The following ASIC2 variants were observed in gnomAD, a reference collection of about 807,000 sequenced individuals.
ASIC2 encodes the protein acid-sensing ion channel 2.
ASIC2 carries 25 observed loss-of-function variants against 57.3 expected under a neutral mutation model. That is an observed-to-expected ratio of 0.44 (90% CI 0.32 to 0.61). The LOEUF (loss-of-function observed/expected upper bound fraction) is 0.61. Ranked by LOEUF, ASIC2 falls within the 20% of genes least tolerant of loss-of-function variation. The pLI is 0.06. For missense variants in ASIC2, 641 were observed against 738.1 expected (o/e 0.87, Z 1.52); for synonymous variants, 319 against 307.5 (o/e 1.04, Z -0.39).
At chr17:33,079,001 G>A (rs2092101248) in intron 3 of ASIC2, among the ~76,000 whole-genome samples, 1 of 152,150 alleles carries the variant, frequency 6.6e-6, no homozygotes, top group African/African-American at 2.4e-5. Flanking sequence ...GAAAAGTGAT[G>A]GTGGGAGCCC....
chr17:33,382,928 A>G (rs997934765), intron 1 of ASIC2, among the ~76,000 whole-genome samples: 5 of 152,108 alleles, frequency 3.3e-5, no homozygotes, highest in African/African-American at 1.2e-4. Context: ...TTTCTGGTCC[A>G]TGTTTTCAGG....
intron 1 of ASIC2, among the ~76,000 whole-genome samples, chr17:33,838,599 T>C (rs71379415): frequency 0.025 from 3,857 of 152,268 alleles, 178 homozygotes; most frequent in African/African-American, 0.089. Context: ...GAAATATCAT[T>C]TAATTGCCGT....
intron 1 of ASIC2, among the ~76,000 whole-genome samples, chr17:34,033,399 A>T (rs890353374): frequency 2.6e-5 from 4 of 152,310 alleles, no homozygotes; most frequent in African/African-American, 9.6e-5. Context: ...CTAAATGCCC[A>T]CAAGAGAAAG....
intron 1 of ASIC2, among the ~76,000 whole-genome samples, chr17:33,652,053 TC>T (rs2142039740): frequency 6.6e-6 from 1 of 152,296 alleles, no homozygotes. Context: ...TGTCTGCCCA[TC>T]TGTGAAATGG....
At chr17:33,025,295 C>T (rs1265001974) in intron 5 of ASIC2, among the ~76,000 whole-genome samples, 3 of 152,166 alleles carry the variant, frequency 2.0e-5, no homozygotes, top group South Asian at 2.1e-4. Context: ...GTGCACTCTC[C>T]CTCCCTCCTA....
At chr17:33,232,340 G>C (rs1908122679) in intron 1 of ASIC2, among the ~76,000 whole-genome samples, 1 of 152,108 alleles carries the variant, frequency 6.6e-6, no homozygotes, top group Admixed American at 6.5e-5. Flanking sequence ...CTCCAAATCT[G>C]TGAGAAAATA....
intron 1 of ASIC2, among the ~76,000 whole-genome samples, chr17:33,692,940 G>T (rs541052370): frequency 3.2e-4 from 48 of 152,144 alleles, no homozygotes; most frequent in Admixed American, 3.1e-3. Flanking sequence ...TAAATCAATC[G>T]CATATTTTAA....
chr17:33,750,328 T>C (rs1910389785), intron 1 of ASIC2, among the ~76,000 whole-genome samples: 1 of 152,074 alleles, frequency 6.6e-6, no homozygotes, highest in African/African-American at 2.4e-5. Flanking sequence ...TGCAAGGAAC[T>C]GAGGGGGAAA....
intron 1 of ASIC2, among the ~76,000 whole-genome samples, chr17:33,520,935 G>A (rs1462897204): frequency 1.3e-5 from 2 of 152,168 alleles, no homozygotes; most frequent in Non-Finnish European, 2.9e-5. Context: ...GGGTGTGTGG[G>A]TGCTGGAATC....
chr17:34,126,684 G>A (rs1369385975), intron 1 of ASIC2, among the ~76,000 whole-genome samples: 1 of 152,192 alleles, frequency 6.6e-6, no homozygotes, highest in Non-Finnish European at 1.5e-5. Context: ...GAGGTTCTCT[G>A]ACTCTGAACG....
At chr17:34,018,572 C>T (rs1452759652) in intron 1 of ASIC2, among the ~76,000 whole-genome samples, 1 of 152,144 alleles carries the variant, frequency 6.6e-6, no homozygotes, top group Non-Finnish European at 1.5e-5. Context: ...AATTGAAAAT[C>T]ACCATTCTAG....
chr17:33,350,942 A>G (rs1567831903), intron 1 of ASIC2, among the ~76,000 whole-genome samples: 1 of 152,124 alleles, frequency 6.6e-6, no homozygotes, highest in African/African-American at 2.4e-5. Flanking sequence ...CTGTTCTAAC[A>G]TTTTGGGATT....
At chr17:33,757,211 A>C (rs1340811289) in intron 1 of ASIC2, among the ~76,000 whole-genome samples, 1 of 152,120 alleles carries the variant, frequency 6.6e-6, no homozygotes, top group African/African-American at 2.4e-5. Context: ...ATTCTGGAAG[A>C]TTCTCTTTGC....
intron 1 of ASIC2, among the ~76,000 whole-genome samples, chr17:33,570,812 T>C (rs969835316): frequency 2.0e-5 from 3 of 152,104 alleles, no homozygotes; most frequent in South Asian, 2.1e-4. Flanking sequence ...CCTCTCTCTC[T>C]CTCCATGTGG....
At chr17:33,446,386 C>T (rs1273489259) in intron 1 of ASIC2, among the ~76,000 whole-genome samples, 1 of 152,050 alleles carries the variant, frequency 6.6e-6, no homozygotes, top group Non-Finnish European at 1.5e-5. Flanking sequence ...CTGGAATTTC[C>T]AGCCTCTGTG....
intron 1 of ASIC2, among the ~76,000 whole-genome samples, chr17:33,550,460 A>T (rs1915718771): frequency 6.6e-6 from 1 of 152,226 alleles, no homozygotes; most frequent in South Asian, 2.1e-4. Flanking sequence ...GTGATGTCAC[A>T]GGACCCTCAT....
chr17:34,099,121 AGAGAGAGAGAGAGAGAGAGAGAGAC>A, intron 1 of ASIC2, among the ~76,000 whole-genome samples: 1 of 27,966 alleles, frequency 3.6e-5, no homozygotes, highest in African/African-American at 1.3e-4. Context: ...AGAGAGAGAG[AGAGAGAGAGAGAGAGAGAGAGAGAC>A]AGAGAGAGAG....
intron 1 of ASIC2, among the ~76,000 whole-genome samples, chr17:33,882,571 A>G (rs1426170754): frequency 2.0e-5 from 3 of 152,238 alleles, no homozygotes; most frequent in Admixed American, 2.0e-4. Context: ...ATACCATCTC[A>G]CACCAGTTAG....
chr17:33,975,518 T>C (rs1905355626), intron 1 of ASIC2, among the ~76,000 whole-genome samples: 1 of 152,086 alleles, frequency 6.6e-6, no homozygotes, highest in Non-Finnish European at 1.5e-5. Context: ...TGCTGACAAG[T>C]CTCAGTGGGC....
Sources: allele counts gnomAD v4.1 joint callset (sites outside exome capture counted in the v4.1 genomes callset), GRCh38; gene constraint gnomAD v4.1.1; transcripts MANE v1.5; gene names NCBI Gene and HGNC (gene_info 2026-07-23, HGNC 2026-07-21).